NDUFV1: variants seen among roughly 807,000 people sequenced by gnomAD.
NDUFV1 encodes the protein NADH:ubiquinone oxidoreductase core subunit V1.
In NDUFV1, 41 loss-of-function variants were observed where a neutral mutation model predicts 48.7. That is an observed-to-expected ratio of 0.84 (90% CI 0.66 to 1.09). The LOEUF is 1.09. Among genes scored for constraint, NDUFV1 ranks in the 50% least tolerant of loss-of-function variants. The pLI, the probability that NDUFV1 is intolerant of heterozygous loss-of-function variation, is 0.00. For synonymous variants in NDUFV1, 231 were observed against 259.1 expected (o/e 0.89, Z 1.04); for missense variants, 580 against 645.4 (o/e 0.90, Z 1.10).
intron 4 of NDUFV1, chr11:67,609,927 G>A (rs943558451): frequency 1.7e-5 from 7 of 420,742 alleles, no homozygotes; most frequent in Non-Finnish European, 3.0e-5. Flanking sequence ...TTTAGCAAGA[G>A]AGCGGAATAA....
chr11:67,609,420 C>T (rs2134083683), intron 3 of NDUFV1, 32 bp from the exon 4 acceptor site: 3 of 1,611,430 alleles, frequency 1.9e-6, no homozygotes, highest in Non-Finnish European at 1.7e-6. Flanking sequence ...CCTGATGGCC[C>T]TGTAGCCTGT....
chr11:67,608,626 TG>T lies in NDUFV1; in HGVS notation c.233del (p.Gly78AlafsTer8). On this transcript the variant is annotated frameshift_variant, in exon 3 of 10. Coordinates refer to ENST00000322776, the MANE Select transcript of NDUFV1 (RefSeq NM_007103.4). LOFTEE classifies it high-confidence loss of function. ...CTGCTGAAGGGGCCCGACTGGATCC[TG>T]GGCGAGATCAAGACATCGGGTTTGA... is the stretch of plus-strand genomic sequence containing the variant. The part of the protein sequence containing the change: ...EILLKGPDWI[L>X]GEIKTSGLRG... 6.2e-7 allele frequency: 1 copy of T among 1,614,166 alleles called. No individual in the cohort carries two copies. Among genetic ancestry groups the T allele is most frequent in the Non-Finnish European group, 8.5e-7 (1 of 1,180,030 alleles).
In NDUFV1 at chr11:67,612,508, C is replaced by G; in HGVS notation, c.*50C>G. On this transcript the variant is annotated 3_prime_UTR_variant, in exon 10 of 10. Coordinates refer to ENST00000322776, the MANE Select transcript of NDUFV1 (RefSeq NM_007103.4). This position sits in a 1 kb window ranked among gnomAD's most constrained non-coding sequence, Gnocchi z 4.4. Reference sequence around the variant, plus strand: ...GCGTCTATCCATGTGGAATGCTGGACAATAAAGCGAGTGCTGCCCACCCTC... The same window carrying G: ...GCGTCTATCCATGTGGAATGCTGGAGAATAAAGCGAGTGCTGCCCACCCTC... 6.3e-7 allele frequency: 1 copy of G among 1,575,344 alleles called. No homozygotes were observed. Among genetic ancestry groups the G allele is most frequent in the Non-Finnish European group, 8.6e-7 (1 of 1,157,704 alleles).
At chr11:67,607,158 C>T in intron 1 of NDUFV1, 82 bp downstream of exon 1, 1 of 1,431,256 alleles carries the variant, frequency 7.0e-7, no homozygotes. Flanking sequence ...TCCCTGGGGT[C>T]TGTAGTGGCC....
chr11:67,610,235 C>T (rs1456121746), intron 4 of NDUFV1, 146 bp from the exon 5 acceptor site: 10 of 804,350 alleles, frequency 1.2e-5, no homozygotes, highest in Admixed American at 2.2e-5. Flanking sequence ...TTTTCCAATT[C>T]GTTTTACTAA....
chr11:67,610,442 A>G lies in NDUFV1; in HGVS notation c.572A>G (p.Tyr191Cys), dbSNP rs1226418121. ...GGCAAGAATGCTTGTGGCTCTGGCTATGATTTTGACGTGTTTGTGGTGCGC... is the reference window on the plus strand; with the variant it reads ...GGCAAGAATGCTTGTGGCTCTGGCTGTGATTTTGACGTGTTTGTGGTGCGC... ...LIGKNACGSG[Y>C]DFDVFVVRGA... The change falls in exon 5 of 10, where the codon TAT becomes TGT. Residue 191 changes from tyrosine to cysteine, a missense_variant. By Grantham distance (194) the Tyr-to-Cys change is radical (BLOSUM62 -2). Transcript: ENST00000322776. 18 of 1,613,984 alleles carry G rather than the reference A, an allele frequency of 1.1e-5. No individual in the cohort carries two copies. The Admixed American group carries it at 2.3e-4, about 21-fold the overall frequency.
At chr11:67,609,314 G>A (rs1854866397) in intron 3 of NDUFV1, 138 bp from the exon 4 acceptor site, 3 of 834,116 alleles carry the variant, frequency 3.6e-6, no homozygotes, top group Non-Finnish European at 5.7e-6. Flanking sequence ...GAGCCCCTGG[G>A]ACATGTTGGG....
rs186368834 is a variant in NDUFV1, at chr11:67,611,658, C to T, written c.1080+89C>T. On this transcript the variant is annotated intron_variant, in intron 7 of 9. Coordinates refer to ENST00000322776, the MANE Select transcript of NDUFV1 (RefSeq NM_007103.4). This position sits in a 1 kb window ranked among gnomAD's most constrained non-coding sequence, Gnocchi z 4.2. ...CCCAGAAAACCCTCTTGCCAGCACT[C>T]AGGTCTCAGTTCCTGCAGCCTGAGA... 2.0e-6 allele frequency: 3 copies of T among 1,536,296 alleles called. No homozygotes were observed. The highest frequency in any genetic ancestry group is 2.4e-5 in the East Asian group (1 of 41,456).
Position 67,608,417 on chromosome 11 carries a change from T to C in NDUFV1, c.94T>C (p.Phe32Leu), listed in dbSNP as rs1854850421. 1 of 1,613,864 alleles carries C rather than the reference T, an allele frequency of 6.2e-7. No homozygotes were observed. Among genetic ancestry groups the C allele is most frequent in the Non-Finnish European group, 8.5e-7 (1 of 1,179,978 alleles). Residue 32 changes from phenylalanine (F) to leucine (L), a missense_variant, in exon 2 of 10, where the codon TTT becomes CTT. Coordinates refer to ENST00000322776, the MANE Select transcript of NDUFV1 (RefSeq NM_007103.4). The stretch of plus-strand genomic sequence containing the variant: ...CTAGACAGCACCCAAGAAAACCTCA[T>C]TTGGCTCGCTGAAGGATGAAGACCG... ...GDTTAPKKTSFGSLKDEDRIF... is the reference protein window; with the variant it reads ...GDTTAPKKTSLGSLKDEDRIF...
chr11:67,612,063 C>A lies in NDUFV1; in HGVS notation c.1163-57C>A. On this transcript the variant is annotated intron_variant, in intron 8 of 9. Coordinates refer to ENST00000322776, the MANE Select transcript of NDUFV1 (RefSeq NM_007103.4). This position sits in a 1 kb window ranked among gnomAD's most constrained non-coding sequence, Gnocchi z 4.4. ...CACGTGGCCTGCAGCCCTCAAGCGC[C>A]GCCCCACATCCTGGCTGGGGAGATC... 6 of 1,613,550 alleles carry A rather than the reference C, an allele frequency of 3.7e-6. No individual in the cohort carries two copies. The highest frequency in any genetic ancestry group is 5.1e-6 in the Non-Finnish European group (6 of 1,179,924).
In NDUFV1 at chr11:67,611,288, T is replaced by C. The variant is rs1222485284; in HGVS notation, c.913+81T>C. On this transcript the variant is annotated intron_variant, in intron 6 of 9. Coordinates refer to ENST00000322776, the MANE Select transcript of NDUFV1 (RefSeq NM_007103.4). The surrounding 1 kb of genome is among the most constrained non-coding windows in gnomAD (Gnocchi z 4.2). ...ACAAAGAGAGCCTGGGCGGGAGGGC[T>C]CAGGAGACGGGGCTGGGTCTAGGGG... 1.9e-6 allele frequency: 3 copies of C among 1,589,958 alleles called. No homozygotes were observed. Among genetic ancestry groups the C allele is most frequent in the Non-Finnish European group, 1.7e-6 (2 of 1,162,508 alleles).
At chr11:67,608,186 A>G in intron 1 of NDUFV1, 2 of 600,786 alleles carry the variant, frequency 3.3e-6, no homozygotes, top group Non-Finnish European at 5.9e-6. Flanking sequence ...AGATTACGCC[A>G]CTGCACTCCA....
Position 67,611,520 on chromosome 11 carries a change from A to T in NDUFV1, c.1031A>T (p.Gln344Leu), listed in dbSNP as rs374128188. The change falls in exon 7 of 10, where the codon CAG becomes CTG. Residue 344 changes from glutamine (Q) to leucine (L), a missense_variant. Gln to Leu is a moderately radical substitution (Grantham distance 113). Transcript: ENST00000322776. This position sits in a 1 kb window ranked among gnomAD's most constrained non-coding sequence, Gnocchi z 4.2. ...CTGATGGACTTCGATGCGCTGGTGCAGGCACAGACAGGCCTGGGCACAGCT... is the reference window on the plus strand; with the variant it reads ...CTGATGGACTTCGATGCGCTGGTGCTGGCACAGACAGGCCTGGGCACAGCT... Reference protein sequence around the residue: ...TVLMDFDALVQAQTGLGTAAV... With the variant: ...TVLMDFDALVLAQTGLGTAAV... 1.9e-5 allele frequency: 31 copies of T among 1,612,390 alleles called. No homozygotes were observed. Among genetic ancestry groups the T allele is most frequent in the Non-Finnish European group, 2.3e-5 (27 of 1,179,388 alleles).
chr11:67,609,066 C>T (rs1447575845), intron 3 of NDUFV1, among the ~76,000 whole-genome samples: 1 of 152,156 alleles, frequency 6.6e-6, no homozygotes, highest in African/African-American at 2.4e-5. Flanking sequence ...AATGTTCATA[C>T]AGCTTTTGGC....
chr11:67,612,193 G>A lies in NDUFV1; in HGVS notation c.1236G>A (p.Leu412=). The A allele has an allele frequency of 6.2e-7, 1 of 1,613,762 alleles. No homozygotes were observed. The highest frequency in any genetic ancestry group is 8.5e-7 in the Non-Finnish European group (1 of 1,179,954). The part of the protein sequence containing the change: ...GDARPAEIDS[L]WEISKQIEGH... ...CCCGGCCGGCCGAGATCGACTCCCTGTGGGAGATCAGCAAGCAGATAGAAG... is the reference window on the plus strand; with the variant it reads ...CCCGGCCGGCCGAGATCGACTCCCTATGGGAGATCAGCAAGCAGATAGAAG... Residue 412 remains leucine (L), a synonymous_variant, in exon 9 of 10, where the codon CTG becomes CTA. Coordinates refer to ENST00000322776, the MANE Select transcript of NDUFV1 (RefSeq NM_007103.4). The surrounding 1 kb of genome is among the most constrained non-coding windows in gnomAD (Gnocchi z 4.4).
chr11:67,610,327 A>G, intron 4 of NDUFV1, 54 bp from the exon 5 acceptor site: 3 of 1,602,364 alleles, frequency 1.9e-6, no homozygotes, highest in Non-Finnish European at 2.6e-6. Context: ...CTGAAGTTAT[A>G]GGCTGACTCC....
chr11:67,610,746 G>T, intron 5 of NDUFV1, 176 bp downstream of exon 5: 1 of 923,566 alleles, frequency 1.1e-6, no homozygotes. Context: ...CCCTCCTCCT[G>T]CCTCGGTCCC....
Position 67,608,672 on chromosome 11 carries a change from C to T in NDUFV1, c.276C>T (p.Gly92=), listed in dbSNP as rs1854856303. The T allele has an allele frequency of 6.2e-7, 1 of 1,614,148 alleles. No homozygotes were observed. The highest frequency in any genetic ancestry group is 8.5e-7 in the Non-Finnish European group (1 of 1,180,006). ...GTTTGAGGGGCCGTGGAGGCGCTGG[C>T]TTCCCCACTGGCCTCAAGTGGAGCT... ...TSGLRGRGGA[G]FPTGLKWSFM... is the part of the protein sequence containing the mutation. The change falls in exon 3 of 10, where the codon GGC becomes GGT. Residue 92 remains glycine, a synonymous_variant. Transcript: ENST00000322776.
In NDUFV1 at chr11:67,608,626, T is replaced by G. The variant is rs1475852784; in HGVS notation, c.230T>G (p.Leu77Arg). The change falls in exon 3 of 10, where the codon CTG becomes CGG. Residue 77 changes from leucine (L) to arginine (R), a missense_variant. Transcript: ENST00000322776. Reference sequence around the variant, plus strand: ...CTGCTGAAGGGGCCCGACTGGATCCTGGGCGAGATCAAGACATCGGGTTTG... The same window carrying G: ...CTGCTGAAGGGGCCCGACTGGATCCGGGGCGAGATCAAGACATCGGGTTTG... ...EILLKGPDWILGEIKTSGLRG... is the reference protein window; with the variant it reads ...EILLKGPDWIRGEIKTSGLRG... The G allele has an allele frequency of 6.2e-7, 1 of 1,614,048 alleles. No individual in the cohort carries two copies. Among genetic ancestry groups the G allele is most frequent in the Non-Finnish European group, 8.5e-7 (1 of 1,180,038 alleles).
Sources: allele counts gnomAD v4.1 joint callset (sites outside exome capture counted in the v4.1 genomes callset), GRCh38; gene constraint gnomAD v4.1.1; non-coding constraint Gnocchi (gnomAD v3.1); transcripts MANE v1.5; gene names NCBI Gene and HGNC (gene_info 2026-07-23, HGNC 2026-07-21).